The following RNF145 variants were observed in gnomAD, a reference collection of about 807,000 sequenced individuals.
The protein encoded by RNF145 is ring finger protein 145.
Under a neutral mutation model 57.3 loss-of-function variants are expected in RNF145, and 12 were observed. The observed-to-expected ratio is 0.21, with a 90% confidence interval of 0.13 to 0.34. RNF145 has a LOEUF of 0.34. Ranked by LOEUF, RNF145 falls within the 10% of genes least tolerant of loss-of-function variation. RNF145 has a pLI of 1.00. For missense variants in RNF145, 429 were observed against 799.0 expected, an observed-to-expected ratio of 0.54 and a Z score of 5.58; for synonymous variants, 262 against 288.3, an observed-to-expected ratio of 0.91 and a Z score of 0.92.
At chr5:159,178,943 A>T (rs892027625) in intron 4 of RNF145, among the ~76,000 whole-genome samples, 2 of 152,086 alleles carry the variant, frequency 1.3e-5, no homozygotes, top group Admixed American at 1.3e-4. Context: ...TTTGGCCTTT[A>T]AAAAACTGAT....
In RNF145 at chr5:159,162,925, G is replaced by A. The variant is rs201606189; in HGVS notation, c.1269+7C>T. On this transcript the variant is annotated splice_region_variant and intron_variant, in intron 9 of 10. Transcript: ENST00000424310. The stretch of plus-strand genomic sequence containing the variant: ...TATTATATAGAGTTAATTAATCATA[G>A]GCTTACCTGAAGAGAGGTAAGAATG... The A allele has an allele frequency of 2.5e-6, 4 of 1,591,488 alleles. No individual in the cohort carries two copies. In the African/African-American group the frequency reaches 5.5e-5, roughly 22 times the overall value.
intron 2 of RNF145, 127 bp from the exon 3 acceptor site, chr5:159,194,951 C>T: frequency 1.6e-6 from 1 of 620,406 alleles, no homozygotes; most frequent in East Asian, 2.9e-5. Context: ...TTTTATTATA[C>T]TTACCAAAGT....
At chr5:159,204,309 C>A (rs1057111089) in intron 1 of RNF145, among the ~76,000 whole-genome samples, 1 of 151,918 alleles carries the variant, frequency 6.6e-6, no homozygotes, top group Non-Finnish European at 1.5e-5. Context: ...TCCCTTGATA[C>A]ACAGATAAGC....
intron 3 of RNF145, among the ~76,000 whole-genome samples, chr5:159,191,202 C>T (rs2113199618): frequency 6.6e-6 from 1 of 152,164 alleles, no homozygotes; most frequent in South Asian, 2.1e-4. Flanking sequence ...GCTTAGTCTA[C>T]AATTTCAAAG....
chr5:159,162,898 G>T (rs774536263), intron 9 of RNF145, 34 bp downstream of exon 9: 2 of 1,537,216 alleles, frequency 1.3e-6, no homozygotes, highest in Non-Finnish European at 1.7e-6. Flanking sequence ...AACAAAATTG[G>T]TTATTATATA....
chr5:159,174,662 T>C (rs1584676948), intron 5 of RNF145, among the ~76,000 whole-genome samples: 1 of 152,186 alleles, frequency 6.6e-6, no homozygotes, highest in Admixed American at 6.5e-5. Context: ...AGAGCAAAGA[T>C]AGTTAGCAAG....
chr5:159,185,933 GA>G (rs1404306411), intron 3 of RNF145, among the ~76,000 whole-genome samples: 1 of 152,144 alleles, frequency 6.6e-6, no homozygotes, highest in Non-Finnish European at 1.5e-5. Flanking sequence ...CAAGATCTAT[GA>G]AAAGGGCCTC....
intron 4 of RNF145, among the ~76,000 whole-genome samples, chr5:159,180,375 C>T (rs1192848597): frequency 1.3e-5 from 2 of 152,042 alleles, no homozygotes; most frequent in African/African-American, 4.8e-5. Flanking sequence ...GAGGTCTTCT[C>T]ATCCATCTAA....
chr5:159,162,425 CTTTTTTT>C lies in RNF145; in HGVS notation c.1269+500_1269+506del, dbSNP rs201178143. 9.5e-3 allele frequency among the ~76,000 whole-genome samples: 1,284 copies of C among 134,568 alleles called. 11 individuals carry two copies. The highest frequency in any genetic ancestry group is 0.041 in the Middle Eastern group (10 of 242). 88.3% of individuals were successfully genotyped at this position (134,568 alleles called of 152,430 possible). On this transcript the variant is annotated intron_variant, in intron 9 of 10. Coordinates refer to ENST00000424310, the MANE Select transcript of RNF145 (RefSeq NM_001199383.2). ...CATCAATAGGTTTATGTAATATTTT[CTTTTTTT>C]TTTTTTTTTTTTTGAGACGGAGTCT...
chr5:159,162,624 C>T (rs1011813992), intron 9 of RNF145, among the ~76,000 whole-genome samples: 10 of 150,874 alleles, frequency 6.6e-5, no homozygotes, highest in African/African-American at 1.2e-4. Context: ...TTAGTAGAGA[C>T]GGGGTTTCAC....
At chr5:159,207,214 A>G (rs942904763) in intron 1 of RNF145, among the ~76,000 whole-genome samples, 2 of 152,224 alleles carry the variant, frequency 1.3e-5, no homozygotes, top group Non-Finnish European at 2.9e-5. Flanking sequence ...GAATATGAAG[A>G]AACCAAACAA....
chr5:159,160,319 A>G (rs1277143151), intron 10 of RNF145, among the ~76,000 whole-genome samples: 1 of 152,238 alleles, frequency 6.6e-6, no homozygotes, highest in African/African-American at 2.4e-5. Context: ...AGGATCAAAA[A>G]GTATGTTCTA....
chr5:159,165,914 A>G (rs1420565041), intron 8 of RNF145, among the ~76,000 whole-genome samples: 3 of 152,142 alleles, frequency 2.0e-5, no homozygotes, highest in Non-Finnish European at 1.5e-5. Flanking sequence ...GGTGAGGTGA[A>G]CTGTTCTACG....
chr5:159,178,754 C>T (rs550411027), intron 4 of RNF145, among the ~76,000 whole-genome samples: 1 of 151,800 alleles, frequency 6.6e-6, no homozygotes, highest in Non-Finnish European at 1.5e-5. Flanking sequence ...GCAGATATTC[C>T]AAAATGTAAA....
At chr5:159,171,654 T>G (rs895059333) in intron 6 of RNF145, among the ~76,000 whole-genome samples, 36 of 152,198 alleles carry the variant, frequency 2.4e-4, no homozygotes, top group African/African-American at 8.7e-4. Flanking sequence ...ACCTTTTTTT[T>G]GATTTGCAGT....
At chr5:159,204,973 A>G (rs1471840738) in intron 1 of RNF145, among the ~76,000 whole-genome samples, 1 of 152,174 alleles carries the variant, frequency 6.6e-6, no homozygotes, top group African/African-American at 2.4e-5. Flanking sequence ...AGGACAAACG[A>G]AAACATTTAT....
chr5:159,196,698 T>C (rs573440091), intron 2 of RNF145, among the ~76,000 whole-genome samples: 31 of 152,344 alleles, frequency 2.0e-4, no homozygotes, highest in Admixed American at 1.7e-3. Context: ...TCTTTATTTC[T>C]TAAAATAATT....
chr5:159,207,784 T>C (rs771698831), intron 1 of RNF145: 1 of 1,614,240 alleles, frequency 6.2e-7, no homozygotes, highest in Non-Finnish European at 8.5e-7. Flanking sequence ...CTAGCAATTC[T>C]GTGGTTTCTC....
intron 3 of RNF145, among the ~76,000 whole-genome samples, chr5:159,187,440 G>A (rs1785110154): frequency 6.6e-6 from 1 of 151,620 alleles, no homozygotes; most frequent in African/African-American, 2.4e-5. Context: ...CGATTCTCCT[G>A]CCTCAGTATC....
Sources: gnomAD v4.1 joint callset for allele counts (sites outside exome capture counted in the v4.1 genomes callset) on GRCh38, gnomAD v4.1.1 for gene constraint, MANE v1.5 for transcripts, NCBI Gene and HGNC (gene_info 2026-07-23, HGNC 2026-07-21) for gene names.